PCNX2: variants seen among roughly 807,000 people sequenced by gnomAD.
The protein encoded by PCNX2 is pecanex-like protein 2.
A neutral mutation model predicts 223.8 loss-of-function variants in PCNX2; 168 were observed. The ratio of observed to expected loss-of-function variants is 0.75; its 90% CI spans 0.66 to 0.85. The LOEUF (loss-of-function observed/expected upper bound fraction) is 0.85. PCNX2 is among the 40% of genes least tolerant of loss of function. PCNX2 has a pLI of 0.00. For missense variants in PCNX2, 2,507 were observed against 2,675.5 expected, an observed-to-expected ratio of 0.94 and a Z score of 1.39; for synonymous variants, 1,006 against 1,052.6, an observed-to-expected ratio of 0.96 and a Z score of 0.86.
chr1:233,113,116 T>C, intron 21 of PCNX2: 3 of 799,606 alleles, frequency 3.8e-6, no homozygotes, highest in Non-Finnish European at 5.3e-6. Flanking sequence ...AGCTGGCCAG[T>C]TGGGTGACAT....
In PCNX2 at chr1:233,165,043, G is replaced by T. The variant is rs374235151; in HGVS notation, c.3274-3680C>A. On this transcript the variant is annotated intron_variant, in intron 17 of 33. Transcript: ENST00000258229. ...GGATTCTCAATATTCTTACCACAAA[G>T]AAATGATAAATAAGTGAGGTGATAT... Among the ~76,000 whole-genome samples the T allele has an allele frequency of 1.0e-3, 152 of 152,194 alleles. 3 individuals are homozygous for T. The South Asian group carries it at 0.031, about 31-fold the overall frequency.
rs537245476 is a variant in PCNX2, at chr1:233,132,997, C to T, written c.3837+2016G>A. Among the ~76,000 whole-genome samples the T allele has an allele frequency of 1.6e-3, 238 of 148,720 alleles. 1 individual carries two copies. The highest frequency in any genetic ancestry group is 5.7e-3 in the African/African-American group (231 of 40,204). ...CACTGCAACCTCCACCTCCTGGGTT[C>T]GAGCAATTCCCCTGCCTCAGCCTCC... On this transcript the variant is annotated intron_variant, in intron 21 of 33. Transcript: ENST00000258229.
chr1:233,059,668 T>A (rs908593507), intron 23 of PCNX2, among the ~76,000 whole-genome samples: 1 of 152,234 alleles, frequency 6.6e-6, no homozygotes, highest in African/African-American at 2.4e-5. Context: ...TCAATAAATA[T>A]TTGCAGAATA....
chr1:233,206,417 C>A lies in PCNX2; in HGVS notation c.2863+2101G>T, dbSNP rs148085145. On this transcript the variant is annotated intron_variant, in intron 13 of 33. Transcript: ENST00000258229. ...AAAGTGTGCCATCATGAGTGAGCAT[C>A]TCTGTCTACTCAAACTCTGATTTTT... is the stretch of plus-strand genomic sequence containing the variant. 5.6e-5 allele frequency among the ~76,000 whole-genome samples: 8 copies of A among 142,576 alleles called. No homozygotes were observed. In the East Asian group the frequency reaches 2.2e-3, roughly 39 times the overall value. The allele number at this position is 142,576 out of a possible 152,430, so 93.5% of individuals were successfully genotyped here.
rs139392412 is a variant in PCNX2, at chr1:233,011,826, T to C, written c.4952+2839A>G. Among the ~76,000 whole-genome samples the C allele has an allele frequency of 3.8e-3, 579 of 152,322 alleles. 4 individuals carry two copies. Among genetic ancestry groups the C allele is most frequent in the African/African-American group, 0.013 (557 of 41,576 alleles). ...TGCATCTCTTCATCTGGCTGTTTAT[T>C]TGTATCCTTTAAAATATCCTTCATA... On this transcript the variant is annotated intron_variant, in intron 28 of 33. Transcript: ENST00000258229.
At chr1:233,256,845 T>G (rs886190183) in intron 5 of PCNX2, among the ~76,000 whole-genome samples, 5 of 152,284 alleles carry the variant, frequency 3.3e-5, no homozygotes, top group Middle Eastern at 3.4e-3. Context: ...AAAAAATTGC[T>G]CAGAGCAACC....
At chr1:233,255,836 C>A (rs1400311573) in intron 5 of PCNX2, among the ~76,000 whole-genome samples, 1 of 152,174 alleles carries the variant, frequency 6.6e-6, no homozygotes, top group African/African-American at 2.4e-5. Flanking sequence ...TATAAACACA[C>A]TCAAAAACTG....
Position 232,986,231 on chromosome 1 carries a change from C to A in PCNX2, c.6101G>T (p.Gly2034Val). The A allele has an allele frequency of 1.9e-6, 3 of 1,559,634 alleles. No homozygotes were observed. The highest frequency in any genetic ancestry group is 1.2e-5 in the South Asian group (1 of 84,546). Residue 2034 changes from glycine to valine, a missense_variant, in exon 33 of 34, where the codon GGC becomes GTC. Transcript: ENST00000258229. ...GAGCGCGCTGGAAAAGCTCCTCTTGCCGAAGAGGAAGCTCAGGGTGGAGCT... is the reference window on the plus strand; with the variant it reads ...GAGCGCGCTGGAAAAGCTCCTCTTGACGAAGAGGAAGCTCAGGGTGGAGCT... ...STSSTLSFLF[G>V]KRSFSSALVI...
intron 23 of PCNX2, 39 bp downstream of exon 23, chr1:233,090,022 C>G (rs752886137): frequency 1.9e-6 from 3 of 1,611,834 alleles, no homozygotes; most frequent in Non-Finnish European, 2.5e-6. Flanking sequence ...GAAGTGCAAA[C>G]TGGAGAAAAG....
At chr1:233,188,270 T>C (rs985709876) in intron 15 of PCNX2, among the ~76,000 whole-genome samples, 9 of 152,138 alleles carry the variant, frequency 5.9e-5, no homozygotes, top group Admixed American at 1.3e-4. Context: ...GGCTGTCGGA[T>C]TGCAGTCCCC....
In PCNX2 at chr1:232,991,088, T is replaced by C. The variant is rs981712982; in HGVS notation, c.5792-4548A>G. On this transcript the variant is annotated intron_variant, in intron 32 of 33. Coordinates refer to ENST00000258229, the MANE Select transcript of PCNX2 (RefSeq NM_014801.4). This position sits in a 1 kb window ranked among gnomAD's most constrained non-coding sequence, Gnocchi z 4.3. ...TAGGTGCCGGGCAGTGAGCAGCTCA[T>C]GGGAAATTCTGACCACAGACAAGGC... Among the ~76,000 whole-genome samples, 7 of 152,034 alleles carry C rather than the reference T, an allele frequency of 4.6e-5. No homozygotes were observed. Among genetic ancestry groups the C allele is most frequent in the Non-Finnish European group, 1.0e-4 (7 of 67,994 alleles).
intron 25 of PCNX2, among the ~76,000 whole-genome samples, chr1:233,033,991 A>G (rs956779699): frequency 1.3e-5 from 2 of 152,108 alleles, no homozygotes; most frequent in Non-Finnish European, 2.9e-5. Context: ...AGGCAGGTGG[A>G]TCATGAGGTC....
rs188310140 is a variant in PCNX2 at position 232,997,101 on chromosome 1, C to T, written c.5791+1150G>A. Reference sequence around the variant, plus strand: ...TACCCCTTTTCCTTATCCCCTGCCCCGCCTTTTTCCCCTATTGCCCATTCT... The same window carrying T: ...TACCCCTTTTCCTTATCCCCTGCCCTGCCTTTTTCCCCTATTGCCCATTCT... On this transcript the variant is annotated intron_variant, in intron 32 of 33. Transcript: ENST00000258229. Among the ~76,000 whole-genome samples, 29 of 152,266 alleles carry T rather than the reference C, an allele frequency of 1.9e-4. No individual in the cohort carries two copies. The East Asian group carries it at 2.1e-3, about 11-fold the overall frequency.
intron 28 of PCNX2, among the ~76,000 whole-genome samples, chr1:233,006,181 A>C (rs1415144364): frequency 6.6e-6 from 1 of 152,220 alleles, no homozygotes; most frequent in Non-Finnish European, 1.5e-5. Context: ...AAACAGCATT[A>C]GAAAAATGTC....
At chr1:233,252,167 C>T (rs1659489404) in intron 7 of PCNX2, among the ~76,000 whole-genome samples, 187 bp downstream of exon 7, 1 of 152,202 alleles carries the variant, frequency 6.6e-6, no homozygotes, top group Non-Finnish European at 1.5e-5. Context: ...CACACTGGGG[C>T]ACAGCACGTG....
chr1:233,243,193 C>A (rs1401357263), intron 8 of PCNX2, among the ~76,000 whole-genome samples: 2 of 152,150 alleles, frequency 1.3e-5, no homozygotes, highest in African/African-American at 4.8e-5. Context: ...ACTAACAATT[C>A]CCTATTCATA....
chr1:233,121,037 C>A (rs1236842251), intron 21 of PCNX2, among the ~76,000 whole-genome samples: 1 of 149,952 alleles, frequency 6.7e-6, no homozygotes. Flanking sequence ...CAGCAAGGAA[C>A]AATTGGAGTT....
At chr1:233,092,783 T>C (rs1673934388) in intron 22 of PCNX2, among the ~76,000 whole-genome samples, 2 of 152,038 alleles carry the variant, frequency 1.3e-5, no homozygotes, top group South Asian at 2.1e-4. Context: ...ACATCAATTA[T>C]TTGTTTTGTT....
chr1:233,004,431 C>A (rs1670205870), intron 28 of PCNX2, among the ~76,000 whole-genome samples: 1 of 151,454 alleles, frequency 6.6e-6, no homozygotes, highest in South Asian at 2.1e-4. Context: ...ACTCATCCTA[C>A]ATTCCTAGGA....
Sources: allele counts gnomAD v4.1 joint callset (sites outside exome capture counted in the v4.1 genomes callset), GRCh38; gene constraint gnomAD v4.1.1; non-coding constraint Gnocchi (gnomAD v3.1); transcripts MANE v1.5; gene names NCBI Gene and HGNC (gene_info 2026-07-23, HGNC 2026-07-21).